Variants in COL5A2 observed in about 807,000 individuals in gnomAD.
The protein encoded by COL5A2 is collagen type V alpha 2 chain, also known as collagen alpha-2(V) chain.
A neutral mutation model predicts 208.2 loss-of-function variants in COL5A2; 23 were observed. The observed-to-expected ratio is 0.11, with a 90% CI of 0.08 to 0.16. COL5A2 has a LOEUF of 0.16. Ranked by LOEUF, COL5A2 falls within the 10% of genes least tolerant of loss-of-function variation. The pLI is 1.00. For synonymous variants in COL5A2, 625 were observed against 628.5 expected (o/e 0.99, Z 0.08); for missense variants, 1,590 against 1,956.4 (o/e 0.81, Z 3.53).
At chr2:189,319,370 C>T in the COL5A2 span, among the ~76,000 whole-genome samples, 21,487 of 152,286 alleles carry the variant, frequency 0.14, 1,945 homozygotes, top group South Asian at 0.21. Context: ...GGCGAGGCAT[C>T]GCCTAATCCG....
At chr2:189,169,764 C>A (rs530435602) in intron 1 of COL5A2, among the ~76,000 whole-genome samples, 1 of 152,250 alleles carries the variant, frequency 6.6e-6, no homozygotes, top group South Asian at 2.1e-4. Flanking sequence ...CAGGCTGGAG[C>A]GCAATGGCGC....
chr2:189,403,915 T>A, the COL5A2 span, among the ~76,000 whole-genome samples: 2 of 152,114 alleles, frequency 1.3e-5, no homozygotes, highest in East Asian at 3.9e-4. Context: ...GTATTTTTAA[T>A]AGAGACAGGG....
chr2:189,122,896 A>G (rs1168166826), intron 1 of COL5A2, among the ~76,000 whole-genome samples: 1 of 152,252 alleles, frequency 6.6e-6, no homozygotes, highest in African/African-American at 2.4e-5. Flanking sequence ...TTATGAGAAC[A>G]GAGGTAAAGC....
At chr2:189,269,317 G>A in the COL5A2 span, among the ~76,000 whole-genome samples, 41 of 152,076 alleles carry the variant, frequency 2.7e-4, no homozygotes, top group African/African-American at 9.6e-4. Context: ...GTCTTGTGGC[G>A]GTTTTCAAAG....
intron 51 of COL5A2, among the ~76,000 whole-genome samples, chr2:189,038,959 G>A (rs1444967099): frequency 6.6e-6 from 1 of 152,038 alleles, no homozygotes; most frequent in Admixed American, 6.6e-5. Flanking sequence ...AAAGTGCTGG[G>A]ATTACAGGCG....
At chr2:189,371,664 A>G in the COL5A2 span, among the ~76,000 whole-genome samples, 2 of 152,210 alleles carry the variant, frequency 1.3e-5, no homozygotes, top group East Asian at 3.9e-4. Flanking sequence ...TATCTGGCGG[A>G]AGTAATTTCT....
chr2:189,366,786 A>G, the COL5A2 span, among the ~76,000 whole-genome samples: 18 of 152,344 alleles, frequency 1.2e-4, 1 homozygote, highest in Non-Finnish European at 2.4e-4. Flanking sequence ...TGTTAGCTAC[A>G]TGCAGGGAAT....
the COL5A2 span, among the ~76,000 whole-genome samples, chr2:189,294,398 A>G: frequency 7.9e-5 from 12 of 152,186 alleles, no homozygotes; most frequent in African/African-American, 2.7e-4. Flanking sequence ...CAGTCACATC[A>G]CATTTACCTT....
chr2:189,368,738 A>G, the COL5A2 span, among the ~76,000 whole-genome samples: 2 of 152,178 alleles, frequency 1.3e-5, no homozygotes, highest in Non-Finnish European at 2.9e-5. Context: ...ATACCAAAGG[A>G]AAGTCCTTAA....
the COL5A2 span, among the ~76,000 whole-genome samples, chr2:189,277,453 T>G: frequency 3.3e-5 from 5 of 152,094 alleles, no homozygotes; most frequent in Admixed American, 3.3e-4. Context: ...TTCGGGTCAA[T>G]CACCATAAAT....
chr2:189,400,275 C>A, the COL5A2 span, among the ~76,000 whole-genome samples: 3 of 152,138 alleles, frequency 2.0e-5, no homozygotes, highest in Non-Finnish European at 4.4e-5. Flanking sequence ...ATTGCTTCTG[C>A]GCTATTCTCT....
the COL5A2 span, among the ~76,000 whole-genome samples, chr2:189,332,259 A>G: frequency 1.1e-4 from 16 of 152,192 alleles, no homozygotes; most frequent in Non-Finnish European, 2.2e-4. Context: ...TATTAAGGGT[A>G]TAGATAATGT....
chr2:189,423,307 C>G, the COL5A2 span, among the ~76,000 whole-genome samples: 10 of 151,602 alleles, frequency 6.6e-5, no homozygotes, highest in Admixed American at 2.0e-4. Flanking sequence ...AAATAAACAA[C>G]CTAACATTGC....
At chr2:189,133,617 G>A (rs1377122069) in intron 1 of COL5A2, among the ~76,000 whole-genome samples, 3 of 152,070 alleles carry the variant, frequency 2.0e-5, no homozygotes, top group Non-Finnish European at 2.9e-5. Flanking sequence ...CTGAGACAAC[G>A]GAATGAACTA....
intron 1 of COL5A2, among the ~76,000 whole-genome samples, chr2:189,177,669 C>CG (rs972269817): frequency 6.6e-6 from 1 of 151,932 alleles, no homozygotes; most frequent in Non-Finnish European, 1.5e-5. Flanking sequence ...ATACTGTTCG[C>CG]GGGGGGTACT....
chr2:189,237,915 T>C, the COL5A2 span, among the ~76,000 whole-genome samples: 1 of 152,030 alleles, frequency 6.6e-6, no homozygotes, highest in South Asian at 2.1e-4. Flanking sequence ...TCACCATTTA[T>C]ATTTTAGAAC....
At chr2:189,390,373 A>G in the COL5A2 span, among the ~76,000 whole-genome samples, 2 of 152,236 alleles carry the variant, frequency 1.3e-5, no homozygotes, top group Non-Finnish European at 2.9e-5. Flanking sequence ...AAATCTGTCA[A>G]GATGATTGAA....
chr2:189,252,199 T>A, the COL5A2 span, among the ~76,000 whole-genome samples: 8 of 152,194 alleles, frequency 5.3e-5, no homozygotes, highest in Admixed American at 2.6e-4. Flanking sequence ...TGGAAGACAG[T>A]GTGGTGATTC....
At chr2:189,094,179 T>C (rs575511174) in intron 6 of COL5A2, among the ~76,000 whole-genome samples, 1 of 152,270 alleles carries the variant, frequency 6.6e-6, no homozygotes, top group Non-Finnish European at 1.5e-5. Flanking sequence ...ATTATATGTC[T>C]CCACGGAATG....
Sources: allele counts gnomAD v4.1 joint callset (sites outside exome capture counted in the v4.1 genomes callset), GRCh38; gene constraint gnomAD v4.1.1; transcripts MANE v1.5; gene names NCBI Gene and HGNC (gene_info 2026-07-23, HGNC 2026-07-21).